IL1RAPL1: variants seen among roughly 807,000 people sequenced by gnomAD.
IL1RAPL1 encodes the protein interleukin-1 receptor accessory protein-like 1.
IL1RAPL1 carries 3 observed loss-of-function variants against 48.4 expected under a neutral mutation model. That is an observed-to-expected ratio of 0.06 (90% CI 0.03 to 0.16). The LOEUF is 0.16. IL1RAPL1 is among the 10% of genes least tolerant of loss of function. The pLI is 1.00. For synonymous variants in IL1RAPL1, 185 were observed against 187.7 expected (o/e 0.99, Z 0.12); for missense variants, 349 against 530.6 (o/e 0.66, Z 3.36).
At chrX:29,926,124 G>A (rs760673814) in intron 8 of IL1RAPL1, among the ~76,000 whole-genome samples, 251 of 110,929 alleles carry the variant, frequency 2.3e-3, no homozygotes, top group African/African-American at 8.2e-3. Context: ...TTCTGTTGAA[G>A]GCCTTTTGAT....
chrX:28,738,782 T>C (rs1935874781), intron 1 of IL1RAPL1, among the ~76,000 whole-genome samples: 1 of 111,599 alleles, frequency 9.0e-6, no homozygotes, highest in South Asian at 3.8e-4. Context: ...TAAACAAAAA[T>C]CTGCTTGATG....
chrX:29,446,423 G>A (rs1934613123), intron 5 of IL1RAPL1, among the ~76,000 whole-genome samples: 1 of 111,557 alleles, frequency 9.0e-6, no homozygotes, highest in African/African-American at 3.3e-5. Flanking sequence ...TACTTAGACT[G>A]TTCTGTTTAG....
intron 5 of IL1RAPL1, among the ~76,000 whole-genome samples, chrX:29,624,173 T>C (rs1197148487): frequency 2.7e-5 from 3 of 111,990 alleles, no homozygotes; most frequent in Non-Finnish European, 5.6e-5. Context: ...TCTTAAACAT[T>C]TTTGTTGTTG....
At chrX:28,697,636 A>T (rs891841289) in intron 1 of IL1RAPL1, among the ~76,000 whole-genome samples, 9 of 111,578 alleles carry the variant, frequency 8.1e-5, no homozygotes, top group Non-Finnish European at 1.7e-4. Flanking sequence ...AAAATTTAAG[A>T]TTGTTTATTA....
intron 1 of IL1RAPL1, among the ~76,000 whole-genome samples, chrX:28,716,563 A>T (rs1466289206): frequency 9.0e-6 from 1 of 111,631 alleles, no homozygotes; most frequent in East Asian, 2.8e-4. Flanking sequence ...AAACCCAAAC[A>T]TATAAAAATT....
At chrX:29,280,188 T>C (rs1791197760) in intron 2 of IL1RAPL1, among the ~76,000 whole-genome samples, 1 of 112,164 alleles carries the variant, frequency 8.9e-6, no homozygotes, top group South Asian at 3.7e-4. Flanking sequence ...AAAACTGTTT[T>C]GATAAATATT....
chrX:29,333,242 T>C (rs1722469410), intron 3 of IL1RAPL1, among the ~76,000 whole-genome samples: 2 of 107,305 alleles, frequency 1.9e-5, no homozygotes, highest in Non-Finnish European at 3.9e-5. Context: ...GAAGCGCCCC[T>C]CACCTCCCGG....
intron 5 of IL1RAPL1, among the ~76,000 whole-genome samples, chrX:29,567,963 C>T (rs1489691870): frequency 9.1e-6 from 1 of 110,069 alleles, no homozygotes; most frequent in Non-Finnish European, 1.9e-5. Context: ...TATACAAATG[C>T]ACATTGAAAG....
chrX:29,758,430 C>T (rs1928669161), intron 6 of IL1RAPL1, among the ~76,000 whole-genome samples: 1 of 111,280 alleles, frequency 9.0e-6, no homozygotes, highest in Non-Finnish European at 1.9e-5. Context: ...CAGTGGCTCA[C>T]GCCTGTAATC....
At chrX:28,902,555 T>G (rs771153503) in intron 2 of IL1RAPL1, among the ~76,000 whole-genome samples, 7 of 112,172 alleles carry the variant, frequency 6.2e-5, no homozygotes, top group Admixed American at 9.5e-5. Flanking sequence ...TTCTGGTAAA[T>G]AAAACTTTCT....
intron 3 of IL1RAPL1, among the ~76,000 whole-genome samples, chrX:29,386,544 T>A (rs1356458470): frequency 1.3e-4 from 4 of 30,243 alleles, no homozygotes; most frequent in Non-Finnish European, 3.3e-4. Flanking sequence ...GAGTGAATGA[T>A]TTTTTTTTTT....
chrX:28,872,457 G>T (rs1014487352), intron 2 of IL1RAPL1, among the ~76,000 whole-genome samples: 14 of 111,960 alleles, frequency 1.3e-4, no homozygotes, highest in African/African-American at 4.5e-4. Flanking sequence ...TGATACAGTT[G>T]GCACATAATA....
intron 5 of IL1RAPL1, among the ~76,000 whole-genome samples, chrX:29,517,887 C>A (rs16988618): frequency 0.041 from 4,539 of 111,551 alleles, 251 homozygotes; most frequent in African/African-American, 0.14. Context: ...CTTTTATGAA[C>A]TTCTGCTGTT....
chrX:29,870,312 T>TA (rs1931774499), intron 6 of IL1RAPL1, among the ~76,000 whole-genome samples: 1 of 112,048 alleles, frequency 8.9e-6, no homozygotes, highest in East Asian at 2.8e-4. Flanking sequence ...GGGGCAAAGA[T>TA]AGTTTCACCT....
intron 1 of IL1RAPL1, among the ~76,000 whole-genome samples, chrX:28,639,901 C>G (rs1934512785): frequency 8.9e-6 from 1 of 111,984 alleles, no homozygotes; most frequent in Non-Finnish European, 1.9e-5. Context: ...TAGGGTGAGA[C>G]AACTCTAGTA....
intron 2 of IL1RAPL1, among the ~76,000 whole-genome samples, chrX:28,824,040 A>C (rs750218720): frequency 2.7e-4 from 30 of 111,847 alleles, no homozygotes; most frequent in Non-Finnish European, 4.3e-4. Context: ...CTGTTTAAAA[A>C]TGTAAATTGT....
intron 8 of IL1RAPL1, among the ~76,000 whole-genome samples, chrX:29,940,076 T>C (rs1237928008): frequency 1.8e-5 from 2 of 110,600 alleles, no homozygotes; most frequent in Non-Finnish European, 3.8e-5. Context: ...TTGGCCAGGC[T>C]GGTCTCAAAC....
intron 3 of IL1RAPL1, among the ~76,000 whole-genome samples, chrX:29,312,380 G>A (rs1032614292): frequency 9.0e-6 from 1 of 110,871 alleles, no homozygotes; most frequent in Non-Finnish European, 1.9e-5. Context: ...AGCCGAGATC[G>A]TACCACTGCA....
At chrX:29,803,326 C>CACATATGTATAT (rs1301940864) in intron 6 of IL1RAPL1, among the ~76,000 whole-genome samples, 1 of 50,468 alleles carries the variant, frequency 2.0e-5, no homozygotes, top group African/African-American at 8.3e-5. Flanking sequence ...TATATGTATA[C>CACATATGTATAT]ATGTATACAC....
Sources: allele counts gnomAD v4.1 joint callset (sites outside exome capture counted in the v4.1 genomes callset), GRCh38; gene constraint gnomAD v4.1.1; transcripts MANE v1.5; gene names NCBI Gene and HGNC (gene_info 2026-07-23, HGNC 2026-07-21).